The following FRMD4A variants were observed in gnomAD, a reference collection of about 807,000 sequenced individuals.
FRMD4A encodes the protein FERM domain-containing protein 4A.
A neutral mutation model predicts 129.1 loss-of-function variants in FRMD4A; 29 were observed. The ratio of observed to expected loss-of-function variants is 0.22; its 90% confidence interval spans 0.17 to 0.31. The LOEUF (loss-of-function observed/expected upper bound fraction) is 0.31, where lower values mean the gene tolerates loss of function less well. FRMD4A is among the 10% of genes least tolerant of loss of function. The pLI is 1.00. For missense variants in FRMD4A, 1,272 were observed against 1,375.8 expected (o/e 0.92, Z 1.19); for synonymous variants, 634 against 571.6 (o/e 1.11, Z -1.56).
chr10:14,068,452 G>T (rs1217937592), intron 2 of FRMD4A, among the ~76,000 whole-genome samples: 1 of 152,184 alleles, frequency 6.6e-6, no homozygotes, highest in Non-Finnish European at 1.5e-5. Flanking sequence ...ATAAAGCTTT[G>T]ATTACTTTTA....
intron 2 of FRMD4A, among the ~76,000 whole-genome samples, chr10:14,235,687 C>T (rs568183814): frequency 1.3e-5 from 2 of 152,360 alleles, no homozygotes; most frequent in South Asian, 4.1e-4. Flanking sequence ...TCTCCAGCGG[C>T]TTAAGACAGC....
At chr10:13,965,106 T>C (rs1353980472) in intron 2 of FRMD4A, among the ~76,000 whole-genome samples, 10 of 148,414 alleles carry the variant, frequency 6.7e-5, no homozygotes, top group Non-Finnish European at 8.9e-5. Flanking sequence ...AGAAGAATGG[T>C]CAGGATATAT....
intron 15 of FRMD4A, among the ~76,000 whole-genome samples, chr10:13,686,354 C>T (rs973529789): frequency 8.5e-5 from 13 of 152,216 alleles, no homozygotes; most frequent in Admixed American, 2.6e-4. Context: ...TGAACACAGC[C>T]GCCATCATGA....
At position 14,330,711 on chromosome 10, in the gene FRMD4A, T is replaced by C; in HGVS notation, c.-196A>G. 3 of 398,956 alleles carry C rather than the reference T, an allele frequency of 7.5e-6. No individual in the cohort carries two copies. The highest frequency in any genetic ancestry group is 1.3e-5 in the Non-Finnish European group (3 of 226,360). The allele number at this position is 398,956 out of a possible 1,614,324, so 24.7% of individuals were successfully genotyped here. ...TGACCATGAGGCACCAGGCAGTCAC[T>C]GGAGATCAGCAAATGCCCTTACCAT... On this transcript the variant is annotated 5_prime_UTR_variant, in exon 1 of 25. Coordinates refer to ENST00000357447, the MANE Select transcript of FRMD4A (RefSeq NM_018027.5).
intron 2 of FRMD4A, among the ~76,000 whole-genome samples, chr10:13,875,784 C>T (rs940899033): frequency 3.3e-5 from 5 of 152,100 alleles, no homozygotes; most frequent in African/African-American, 7.2e-5. Context: ...CTAGTGGTAG[C>T]GTGACCATAC....
intron 6 of FRMD4A, among the ~76,000 whole-genome samples, chr10:13,776,934 C>T (rs11258592): frequency 6.6e-6 from 1 of 152,108 alleles, no homozygotes; most frequent in African/African-American, 2.4e-5. Flanking sequence ...CTAAATCCAA[C>T]GAGCTAATCA....
chr10:14,062,683 A>G (rs558165054), intron 2 of FRMD4A, among the ~76,000 whole-genome samples: 1 of 152,324 alleles, frequency 6.6e-6, no homozygotes, highest in South Asian at 2.1e-4. Context: ...CCGACTTTCA[A>G]CTGTGAGGGA....
intron 11 of FRMD4A, 32 bp from the exon 12 acceptor site, chr10:13,737,962 GGGACT>G (rs774861256): frequency 6.7e-6 from 8 of 1,190,592 alleles, no homozygotes; most frequent in Admixed American, 1.7e-5. Flanking sequence ...GGGTGAATAT[GGGACT>G]GGAGGAAGTA....
chr10:13,790,907 A>G (rs1398690945), intron 5 of FRMD4A, among the ~76,000 whole-genome samples: 1 of 151,976 alleles, frequency 6.6e-6, no homozygotes, highest in East Asian at 1.9e-4. Flanking sequence ...AAGGGGAGGA[A>G]TCCATGGAGG....
intron 3 of FRMD4A, among the ~76,000 whole-genome samples, chr10:13,828,985 C>G (rs1032490916): frequency 1.3e-5 from 2 of 152,188 alleles, no homozygotes; most frequent in Non-Finnish European, 2.9e-5. Flanking sequence ...AGTAATGGGA[C>G]TGCTGGGTCA....
intron 2 of FRMD4A, among the ~76,000 whole-genome samples, chr10:14,075,729 T>C (rs1835552310): frequency 6.9e-6 from 1 of 144,830 alleles, no homozygotes; most frequent in Admixed American, 7.2e-5. Context: ...TGTATACATA[T>C]AGTGTGTGTG....
At chr10:13,922,032 G>A (rs2095078947) in intron 2 of FRMD4A, among the ~76,000 whole-genome samples, 1 of 152,156 alleles carries the variant, frequency 6.6e-6, no homozygotes, top group African/African-American at 2.4e-5. Context: ...GCCCTTAGAA[G>A]AGGAAGAAGA....
intron 2 of FRMD4A, among the ~76,000 whole-genome samples, chr10:14,052,801 T>C (rs1388378158): frequency 6.6e-6 from 1 of 152,090 alleles, no homozygotes; most frequent in African/African-American, 2.4e-5. Context: ...TGACCTCAAG[T>C]GATCCAACCA....
chr10:14,134,882 A>T (rs1304404313), intron 2 of FRMD4A, among the ~76,000 whole-genome samples: 1 of 152,202 alleles, frequency 6.6e-6, no homozygotes, highest in Non-Finnish European at 1.5e-5. Context: ...GACTTACCAA[A>T]GATAAAGACT....
intron 2 of FRMD4A, among the ~76,000 whole-genome samples, chr10:13,995,490 C>G (rs576619713): frequency 6.6e-6 from 1 of 152,196 alleles, no homozygotes; most frequent in Non-Finnish European, 1.5e-5. Flanking sequence ...GAGGCTGAGG[C>G]ACAAGAATCA....
At chr10:13,792,547 G>C (rs1313496323) in intron 5 of FRMD4A, among the ~76,000 whole-genome samples, 1 of 152,178 alleles carries the variant, frequency 6.6e-6, no homozygotes, top group Non-Finnish European at 1.5e-5. Flanking sequence ...TGCTGGGGAA[G>C]AATTTATGGA....
At chr10:14,039,715 C>T (rs186569816) in intron 2 of FRMD4A, among the ~76,000 whole-genome samples, 176 of 152,202 alleles carry the variant, frequency 1.2e-3, no homozygotes, top group Non-Finnish European at 2.1e-3. Flanking sequence ...CTACCTATGA[C>T]CTGTGAACCC....
At chr10:13,667,132 G>A (rs887865093) in intron 17 of FRMD4A, among the ~76,000 whole-genome samples, 1 of 152,072 alleles carries the variant, frequency 6.6e-6, no homozygotes, top group Non-Finnish European at 1.5e-5. Context: ...GGCTGGTCTC[G>A]AACTCCTGAC....
At chr10:14,237,675 G>C (rs961877529) in intron 2 of FRMD4A, among the ~76,000 whole-genome samples, 2 of 152,184 alleles carry the variant, frequency 1.3e-5, no homozygotes, top group South Asian at 2.1e-4. Context: ...CAGAGACAGA[G>C]AGAATTCCAG....
Sources: allele counts gnomAD v4.1 joint callset (sites outside exome capture counted in the v4.1 genomes callset), GRCh38; gene constraint gnomAD v4.1.1; transcripts MANE v1.5; gene names NCBI Gene and HGNC (gene_info 2026-07-23, HGNC 2026-07-21).